Variants in ALPL observed in about 807,000 individuals in gnomAD.
ALPL encodes alkaline phosphatase, tissue-nonspecific isozyme.
A neutral mutation model predicts 51.3 loss-of-function variants in ALPL; 42 were observed. The observed-to-expected ratio is 0.82, with a 90% confidence interval of 0.64 to 1.06. The LOEUF (loss-of-function observed/expected upper bound fraction) is 1.06. Among genes scored for constraint, ALPL ranks in the 50% least tolerant of loss-of-function variants. The pLI is 0.00. For missense variants in ALPL, 589 were observed against 709.4 expected (o/e 0.83, Z 1.93); for synonymous variants, 279 against 296.4 (o/e 0.94, Z 0.60).
intron 1 of ALPL, among the ~76,000 whole-genome samples, chr1:21,552,030 C>CCGG (rs1372541107): frequency 1.3e-5 from 2 of 148,382 alleles, no homozygotes; most frequent in Non-Finnish European, 3.0e-5. Flanking sequence ...CGGCCATTTG[C>CCGG]GTGTTTTTAA....
intron 2 of ALPL, among the ~76,000 whole-genome samples, chr1:21,559,719 C>T (rs761287882): frequency 1.3e-5 from 2 of 152,162 alleles, no homozygotes; most frequent in Admixed American, 6.5e-5. Context: ...GGGATATCAC[C>T]GTGTTGCCCA....
chr1:21,529,662 TAG>T (rs1200683779), intron 1 of ALPL, among the ~76,000 whole-genome samples: 6 of 152,308 alleles, frequency 3.9e-5, no homozygotes, highest in Admixed American at 2.6e-4. Flanking sequence ...GTTTTTCACA[TAG>T]AGTGTTTCCA....
chr1:21,509,735 C>A lies in ALPL; in HGVS notation c.-105+218C>A, dbSNP rs544335577. ...CCAAGCTCCCGGCGCGCGCTCTGGG[C>A]GGGACAGGAGATTGGACGTGGCGCC... is the stretch of plus-strand genomic sequence containing the variant. On this transcript the variant is annotated intron_variant, in intron 1 of 11. Transcript: ENST00000374840. The surrounding 1 kb of genome is among the most constrained non-coding windows in gnomAD (Gnocchi z 6.0). 6.6e-6 allele frequency among the ~76,000 whole-genome samples: 1 copy of A among 152,154 alleles called. No homozygotes were observed. Among genetic ancestry groups the A allele is most frequent in the African/African-American group, 2.4e-5 (1 of 41,434 alleles).
chr1:21,557,243 C>T (rs1422637454), intron 2 of ALPL, among the ~76,000 whole-genome samples: 1 of 152,220 alleles, frequency 6.6e-6, no homozygotes, highest in Non-Finnish European at 1.5e-5. Flanking sequence ...GGGATGAGTT[C>T]CTCCCGCTTA....
chr1:21,577,938 C>A lies in ALPL; in HGVS notation c.*290C>A, dbSNP rs1219316256. The A allele has an allele frequency of 3.6e-6, 2 of 550,250 alleles. No homozygotes were observed. Among genetic ancestry groups the A allele is most frequent in the African/African-American group, 3.8e-5 (2 of 53,116 alleles). 34.1% of individuals were successfully genotyped at this position (550,250 alleles called of 1,614,324 possible). On this transcript the variant is annotated 3_prime_UTR_variant, in exon 12 of 12. Transcript: ENST00000374840. ...TACAGACTGCAGACATTCTCAAAGCCTCTTATTTTTCTAGCGAACGTATTT... is the reference window on the plus strand; with the variant it reads ...TACAGACTGCAGACATTCTCAAAGCATCTTATTTTTCTAGCGAACGTATTT...
chr1:21,569,826 C>A (rs748997435), intron 7 of ALPL, among the ~76,000 whole-genome samples: 2 of 152,222 alleles, frequency 1.3e-5, no homozygotes, highest in Non-Finnish European at 2.9e-5. Context: ...TTTATCTCCC[C>A]TCCCAGATGG....
chr1:21,563,383 T>C, intron 5 of ALPL, 99 bp downstream of exon 5: 1 of 1,386,138 alleles, frequency 7.2e-7, no homozygotes, highest in Non-Finnish European at 9.7e-7. Context: ...AAAAGGCTTC[T>C]CTGTGGGGCT....
intron 1 of ALPL, among the ~76,000 whole-genome samples, chr1:21,531,250 G>A (rs564238406): frequency 1.0e-3 from 154 of 152,134 alleles, no homozygotes; most frequent in Middle Eastern, 3.4e-3. Flanking sequence ...GAGCCACGGC[G>A]CCCGGCCAAT....
intron 1 of ALPL, among the ~76,000 whole-genome samples, chr1:21,544,763 G>A (rs1644231559): frequency 6.6e-6 from 1 of 151,968 alleles, no homozygotes; most frequent in Non-Finnish European, 1.5e-5. Context: ...ACAAAATTAT[G>A]AGAGGCTGTT....
chr1:21,555,180 G>T (rs898480924), intron 2 of ALPL, among the ~76,000 whole-genome samples: 4 of 151,856 alleles, frequency 2.6e-5, no homozygotes, highest in African/African-American at 9.7e-5. Flanking sequence ...GTGCTCAGTG[G>T]GGGAGCTTTT....
At chr1:21,520,738 G>C (rs1015539352) in intron 1 of ALPL, among the ~76,000 whole-genome samples, 1 of 152,012 alleles carries the variant, frequency 6.6e-6, no homozygotes, top group Admixed American at 6.6e-5. Flanking sequence ...TGGGAGCCAC[G>C]GTGCCCGGCC....
intron 1 of ALPL, among the ~76,000 whole-genome samples, chr1:21,510,126 G>A (rs1207226492): frequency 6.6e-6 from 1 of 152,150 alleles, no homozygotes; most frequent in Non-Finnish European, 1.5e-5. Context: ...GCAGCTGTGG[G>A]GCAAAGCTCT....
At chr1:21,539,574 G>T (rs1644153759) in intron 1 of ALPL, among the ~76,000 whole-genome samples, 1 of 152,070 alleles carries the variant, frequency 6.6e-6, no homozygotes, top group Non-Finnish European at 1.5e-5. Context: ...GCTGGTTAGT[G>T]GGGAGACCTA....
chr1:21,521,603 G>T (rs1643884317), intron 1 of ALPL, among the ~76,000 whole-genome samples: 1 of 152,194 alleles, frequency 6.6e-6, no homozygotes, highest in South Asian at 2.1e-4. Flanking sequence ...TCAATGCGAA[G>T]CCTGGCCACC....
At chr1:21,549,519 G>A (rs139504226) in intron 1 of ALPL, among the ~76,000 whole-genome samples, 2,218 of 151,386 alleles carry the variant, frequency 0.015, 58 homozygotes, top group African/African-American at 0.051. Context: ...TGTTGCCCAG[G>A]CTGGACTGCA....
At chr1:21,517,177 A>G (rs1020277780) in intron 1 of ALPL, among the ~76,000 whole-genome samples, 3 of 152,348 alleles carry the variant, frequency 2.0e-5, no homozygotes, top group Admixed American at 6.5e-5. Context: ...ATCATCGTAA[A>G]GAAAAAAATC....
intron 1 of ALPL, among the ~76,000 whole-genome samples, chr1:21,544,844 A>T (rs986444379): frequency 1.3e-5 from 2 of 152,248 alleles, no homozygotes; most frequent in African/African-American, 4.8e-5. Flanking sequence ...CTTGTGCTAA[A>T]TGTGATATCA....
intron 1 of ALPL, among the ~76,000 whole-genome samples, chr1:21,535,460 TC>T (rs770587159): frequency 1.3e-5 from 2 of 151,976 alleles, no homozygotes; most frequent in Non-Finnish European, 2.9e-5. Context: ...AAAAATAAAA[TC>T]ACCAGCCGAA....
chr1:21,538,299 G>A (rs958394972), intron 1 of ALPL, among the ~76,000 whole-genome samples: 6 of 152,100 alleles, frequency 3.9e-5, no homozygotes, highest in Non-Finnish European at 5.9e-5. Flanking sequence ...GGCTCTCGGC[G>A]TCAGCCCTGC....
Sources: gnomAD v4.1 joint callset for allele counts (sites outside exome capture counted in the v4.1 genomes callset) on GRCh38, gnomAD v4.1.1 for gene constraint, Gnocchi (gnomAD v3.1) non-coding constraint, MANE v1.5 for transcripts, NCBI Gene and HGNC (gene_info 2026-07-23, HGNC 2026-07-21) for gene names.